Variants in KCNT1 observed in about 807,000 individuals in gnomAD.
KCNT1 encodes potassium sodium-activated channel subfamily T member 1.
In KCNT1, 78 loss-of-function variants were observed where a neutral mutation model predicts 147.8. The ratio of observed to expected loss-of-function variants is 0.53; its 90% CI spans 0.44 to 0.64. The LOEUF (loss-of-function observed/expected upper bound fraction) is 0.64. Among genes scored for constraint, KCNT1 ranks in the 30% least tolerant of loss-of-function variants. The pLI is 0.00. For missense variants in KCNT1, 1,419 were observed against 1,750.3 expected (o/e 0.81, Z 3.38); for synonymous variants, 867 against 748.8 (o/e 1.16, Z -2.58).
rs1833915179 is a variant in KCNT1, at chr9:135,784,838, G to A, written c.3105G>A (p.Glu1035=). The change falls in exon 27 of 31, where the codon GAG becomes GAA. Residue 1035 remains glutamate (E), a synonymous_variant. Coordinates refer to ENST00000371757, the MANE Select transcript of KCNT1 (RefSeq NM_020822.3). The stretch of plus-strand genomic sequence containing the variant: ...AGAAGCTCTGCTCCTCCAGCGCCGA[G>A]ATCCCCATTGGCATCTACCGGACAG... The part of the protein sequence containing the change: ...LFQKLCSSSA[E]IPIGIYRTES... 1 of 1,612,758 alleles carries A rather than the reference G, an allele frequency of 6.2e-7. No individual in the cohort carries two copies. Among genetic ancestry groups the A allele is most frequent in the Admixed American group, 1.7e-5 (1 of 60,012 alleles).
chr9:135,774,791 AGGGCTGACCATGGGGGGGTCCT>A (rs1833040317), intron 19 of KCNT1, among the ~76,000 whole-genome samples: 1 of 151,922 alleles, frequency 6.6e-6, no homozygotes, highest in African/African-American at 2.4e-5. Flanking sequence ...TGTTATGCCG[AGGGCTGACCATGGGGGGGTCCT>A]GGGCTGACCA....
At chr9:135,735,310 G>A (rs1288781000) in intron 2 of KCNT1, among the ~76,000 whole-genome samples, 1 of 152,216 alleles carries the variant, frequency 6.6e-6, no homozygotes, top group Non-Finnish European at 1.5e-5. Flanking sequence ...GAGCATGATG[G>A]CGGCTCAGCG....
chr9:135,714,867 A>G lies in KCNT1; in HGVS notation c.254+147A>G, dbSNP rs1272913565. On this transcript the variant is annotated intron_variant, in intron 2 of 30. Coordinates refer to ENST00000371757, the MANE Select transcript of KCNT1 (RefSeq NM_020822.3). The surrounding 1 kb of genome is among the most constrained non-coding windows in gnomAD (Gnocchi z 6.2). ...TTTTCCCGGCTTCTGGGGACGCAGA[A>G]GTTTCGGAGGGGGTGCGGGCAGGGG... The G allele has an allele frequency of 3.8e-5, 18 of 478,640 alleles. No individual in the cohort carries two copies. The highest frequency in any genetic ancestry group is 5.3e-5 in the Non-Finnish European group (18 of 338,988). 29.6% of individuals were successfully genotyped at this position (478,640 alleles called of 1,614,324 possible).
At chr9:135,777,232 G>T in intron 20 of KCNT1, 106 bp from the exon 21 acceptor site, 1 of 1,243,780 alleles carries the variant, frequency 8.0e-7, no homozygotes, top group Non-Finnish European at 1.1e-6. Flanking sequence ...AGAGGCTAAC[G>T]GCTGGGTGTT....
At chr9:135,788,194 C>A in intron 29 of KCNT1, 2 of 1,581,228 alleles carry the variant, frequency 1.3e-6, no homozygotes, top group Non-Finnish European at 1.7e-6. Flanking sequence ...CCGACCACCG[C>A]ACAACGGGGC....
chr9:135,761,998 G>C (rs905836505), intron 11 of KCNT1, among the ~76,000 whole-genome samples: 1 of 152,276 alleles, frequency 6.6e-6, no homozygotes, highest in Non-Finnish European at 1.5e-5. Flanking sequence ...CTTCTCACGA[G>C]ACCGTGGCAC....
chr9:135,731,203 A>C (rs1302664361), intron 2 of KCNT1, among the ~76,000 whole-genome samples: 1 of 151,950 alleles, frequency 6.6e-6, no homozygotes, highest in Non-Finnish European at 1.5e-5. Flanking sequence ...TTCTCTAGCA[A>C]AACTAGATTT....
At chr9:135,732,577 C>T (rs2131364895) in intron 2 of KCNT1, among the ~76,000 whole-genome samples, 1 of 152,232 alleles carries the variant, frequency 6.6e-6, no homozygotes, top group South Asian at 2.1e-4. Context: ...TGGTCTCCCC[C>T]TCTGCCACTG....
chr9:135,757,366 G>A lies in KCNT1; in HGVS notation c.744G>A (p.Ala248=), dbSNP rs145697148. 3.0e-5 allele frequency: 48 copies of A among 1,609,262 alleles called. No individual in the cohort carries two copies. Among genetic ancestry groups the A allele is most frequent in the African/African-American group, 2.1e-4 (16 of 74,870 alleles). ...TGAACTGCTGGCTGGCCAAGCACGC[G>A]CTGGAAAACATGATTGTAAGCCGGG... ...VFLNCWLAKH[A]LENMINDFHR... Residue 248 remains alanine (A), a synonymous_variant, in exon 9 of 31, where the codon GCG becomes GCA. Coordinates refer to ENST00000371757, the MANE Select transcript of KCNT1 (RefSeq NM_020822.3).
chr9:135,776,309 G>A (rs1449773297), intron 20 of KCNT1, among the ~76,000 whole-genome samples: 1 of 152,122 alleles, frequency 6.6e-6, no homozygotes, highest in East Asian at 1.9e-4. Flanking sequence ...CCAGGCTGGA[G>A]TGCAGTGGTG....
chr9:135,736,572 C>T (rs1213336112), intron 2 of KCNT1: 1 of 149,250 alleles, frequency 6.7e-6, no homozygotes, highest in African/African-American at 2.4e-5. Flanking sequence ...GAGATGGTTC[C>T]GCCCGGCGCC....
rs1832452525 is a variant in KCNT1, at chr9:135,768,261, TGGGATACCGGTGGG to T, written c.1338-345_1338-332del. 2.8e-4 allele frequency among the ~76,000 whole-genome samples: 2 copies of T among 7,038 alleles called. 1 individual carries two copies. The highest frequency in any genetic ancestry group is 4.3e-4 in the Non-Finnish European group (2 of 4,692). 4.6% of individuals were successfully genotyped at this position (7,038 alleles called of 152,430 possible). ...CCTGCGGGGGGGGGGGGGGGGGCAC[TGGGATACCGGTGGG>T]GGGGGCACAGGGATGCCTGCTGGTG... On this transcript the variant is annotated intron_variant, in intron 13 of 30. Transcript: ENST00000371757.
At chr9:135,788,127 A>T in intron 29 of KCNT1, 1 of 1,612,740 alleles carries the variant, frequency 6.2e-7, no homozygotes, top group Non-Finnish European at 8.5e-7. Context: ...ACAGCCAGTG[A>T]TGTCATGAAT....
At chr9:135,778,932 C>T in intron 23 of KCNT1, 110 bp downstream of exon 23, 11 of 1,377,704 alleles carry the variant, frequency 8.0e-6, no homozygotes, top group Non-Finnish European at 1.1e-5. Context: ...CTGAGACCCC[C>T]ACAGCCACGA....
At chr9:135,721,444 A>T (rs1036044004) in intron 2 of KCNT1, among the ~76,000 whole-genome samples, 5 of 152,064 alleles carry the variant, frequency 3.3e-5, no homozygotes, top group African/African-American at 1.2e-4. Context: ...CAGAGCAAAC[A>T]CCCACAGGCT....
At chr9:135,786,648 G>GTC in intron 29 of KCNT1, 127 bp downstream of exon 29, 2 of 960,738 alleles carry the variant, frequency 2.1e-6, no homozygotes, top group Non-Finnish European at 1.5e-6. Flanking sequence ...CTGTCTGTCT[G>GTC]TCAGCCTTTC....
intron 2 of KCNT1, among the ~76,000 whole-genome samples, chr9:135,744,267 C>T (rs565334254): frequency 1.3e-5 from 2 of 152,374 alleles, no homozygotes; most frequent in East Asian, 1.9e-4. Flanking sequence ...GAACTGTTGC[C>T]GGCCTCTGCC....
At position 135,740,005 on chromosome 9, in the gene KCNT1, A is replaced by G. The variant is rs577423999; in HGVS notation, c.255-10093A>G. 2.0e-5 allele frequency among the ~76,000 whole-genome samples: 3 copies of G among 152,020 alleles called. No homozygotes were observed. In the South Asian group the frequency reaches 6.2e-4, roughly 32 times the overall value. ...ATGTGGGCAGGGCTGGTTCCTCCTG[A>G]GGCCCCTCCCCTTGGCTCGTAGACA... On this transcript the variant is annotated intron_variant, in intron 2 of 30. Transcript: ENST00000371757.
chr9:135,758,532 G>T, intron 10 of KCNT1, 24 bp downstream of exon 10: 1 of 1,596,840 alleles, frequency 6.3e-7, no homozygotes. Flanking sequence ...GTCAGTGTGA[G>T]CACCCCAGGA....
Sources: allele counts gnomAD v4.1 joint callset (sites outside exome capture counted in the v4.1 genomes callset), GRCh38; gene constraint gnomAD v4.1.1; non-coding constraint Gnocchi (gnomAD v3.1); transcripts MANE v1.5; gene names NCBI Gene and HGNC (gene_info 2026-07-23, HGNC 2026-07-21).